ELN: variants seen among roughly 807,000 people sequenced by gnomAD.
ELN encodes the protein elastin, also known as tropoelastin.
A neutral mutation model predicts 105.8 loss-of-function variants in ELN; 65 were observed. That is an observed-to-expected ratio of 0.61 (90% confidence interval 0.50 to 0.75). The LOEUF (loss-of-function observed/expected upper bound fraction) is 0.75, where lower values mean the gene tolerates loss of function less well. Ranked by LOEUF, ELN falls within the 30% of genes least tolerant of loss-of-function variation. ELN has a pLI of 0.00. For missense variants in ELN, 882 were observed against 969.4 expected (o/e 0.91, Z 1.20); for synonymous variants, 368 against 389.2 (o/e 0.95, Z 0.64).
At chr7:74,035,891 A>G (rs1789826316) in intron 2 of ELN, among the ~76,000 whole-genome samples, 1 of 152,010 alleles carries the variant, frequency 6.6e-6, no homozygotes, top group African/African-American at 2.4e-5. Flanking sequence ...GTGAGCTATA[A>G]TAGCACCACT....
chr7:74,063,802 T>C lies in ELN; in HGVS notation c.1993+107T>C. 6.7e-7 allele frequency: 1 copy of C among 1,485,300 alleles called. No homozygotes were observed. Among genetic ancestry groups the C allele is most frequent in the South Asian group, 1.2e-5 (1 of 86,766 alleles). 92.0% of individuals were successfully genotyped at this position (1,485,300 alleles called of 1,614,324 possible). Reference sequence around the variant, plus strand: ...TTTCGTTCCCACCCCTGGCACGTCTTTGCTCAAGATGTCCTCTTGGCCAGG... The same window carrying C: ...TTTCGTTCCCACCCCTGGCACGTCTCTGCTCAAGATGTCCTCTTGGCCAGG... On this transcript the variant is annotated intron_variant, in intron 29 of 32. Transcript: ENST00000252034. The surrounding 1 kb of genome is among the most constrained non-coding windows in gnomAD (Gnocchi z 4.1).
intron 1 of ELN, among the ~76,000 whole-genome samples, chr7:74,029,745 C>T (rs1788257418): frequency 6.6e-6 from 1 of 152,194 alleles, no homozygotes; most frequent in Non-Finnish European, 1.5e-5. Context: ...CCAGGTGTAG[C>T]CCCCAAACAC....
chr7:74,067,933 CAAAAAAAAAAAAA>C (rs782107951), intron 32 of ELN, among the ~76,000 whole-genome samples: 5 of 19,888 alleles, frequency 2.5e-4, no homozygotes, highest in Non-Finnish European at 5.2e-4. Context: ...GATTGCGTCT[CAAAAAAAAAAAAA>C]AAAAAAAAAA....
chr7:74,030,920 GA>G (rs1788520531), intron 1 of ELN, among the ~76,000 whole-genome samples: 1 of 152,230 alleles, frequency 6.6e-6, no homozygotes, highest in Admixed American at 6.5e-5. Context: ...GCCCCGGCAT[GA>G]GGGCAAATGT....
At chr7:74,068,063 G>A (rs950135309) in intron 32 of ELN, among the ~76,000 whole-genome samples, 1 of 152,098 alleles carries the variant, frequency 6.6e-6, no homozygotes, top group African/African-American at 2.4e-5. Flanking sequence ...AACTGCTCCG[G>A]GCCGCGCTAC....
rs1401947565 is a variant in ELN at position 74,043,951 on chromosome 7, T to A, written c.469+31T>A. 5 of 1,613,606 alleles carry A rather than the reference T, an allele frequency of 3.1e-6. No individual in the cohort carries two copies. In the African/African-American group the frequency reaches 4.0e-5, roughly 13 times the overall value. Reference sequence around the variant, plus strand: ...AGCAAGGAGGGAAACAGGGACTCTATAGGAAGAAAGCAGCCAGGACGCAGT... The same window carrying A: ...AGCAAGGAGGGAAACAGGGACTCTAAAGGAAGAAAGCAGCCAGGACGCAGT... On this transcript the variant is annotated intron_variant, in intron 9 of 32. Coordinates refer to ENST00000252034, the MANE Select transcript of ELN (RefSeq NM_000501.4).
chr7:74,057,839 T>C, intron 22 of ELN, 143 bp downstream of exon 22: 2 of 895,964 alleles, frequency 2.2e-6, no homozygotes, highest in Non-Finnish European at 3.6e-6. Flanking sequence ...CTTAGACCTT[T>C]TGGCCCACTG....
Position 74,045,224 on chromosome 7 carries a change from G to A in ELN, c.472G>A (p.Ala158Thr). The A allele has an allele frequency of 1.2e-6, 2 of 1,614,088 alleles. No individual in the cohort carries two copies. Among genetic ancestry groups the A allele is most frequent in the South Asian group, 1.1e-5 (1 of 91,090 alleles). Residue 158 changes from alanine (A) to threonine (T), a missense_variant and splice_region_variant, in exon 10 of 33, where the codon GCT becomes ACT. Ala to Thr is a moderately conservative substitution (Grantham distance 58, BLOSUM62 0). Transcript: ENST00000252034. The part of the protein sequence containing the change: ...GVYPGGVLPG[A>T]RFPGVGVLPG... ...CTCACTGCTTTGTCCCCCGGCAGGA[G>A]CTCGGTTCCCCGGTGTGGGGGTGCT...
Position 74,028,256 on chromosome 7 carries a change from C to T in ELN, c.69C>T (p.Pro23=), listed in dbSNP as rs142370984. 1.9e-5 allele frequency: 30 copies of T among 1,609,136 alleles called. No individual in the cohort carries two copies. The highest frequency in any genetic ancestry group is 2.2e-5 in the East Asian group (1 of 44,832). The change falls in exon 1 of 33, where the codon CCC becomes CCT. Residue 23 remains proline, a synonymous_variant. Transcript: ENST00000252034. ...VLLLLLSILH[P]SRPGGVPGAI... ...TGCTCCTGCTGTCCATCCTCCACCC[C>T]TCTCGGCCTGGAGGTAAGGACCCCT...
chr7:74,031,875 A>AGGAAGGAAGGAC (rs1554662509), intron 1 of ELN, among the ~76,000 whole-genome samples: 7 of 148,516 alleles, frequency 4.7e-5, no homozygotes, highest in Non-Finnish European at 7.5e-5. Context: ...GAAGGAAGGA[A>AGGAAGGAAGGAC]GGAAGGAAGG....
chr7:74,054,910 A>G (rs1257346234), intron 19 of ELN, 141 bp downstream of exon 19: 22 of 881,924 alleles, frequency 2.5e-5, no homozygotes, highest in Non-Finnish European at 3.5e-5. Flanking sequence ...CCTCAGGACA[A>G]TGTCTCCCCC....
rs1554669116 is a variant in ELN at position 74,042,595 on chromosome 7, C to G, written c.233-19C>G. 3.1e-6 allele frequency: 5 copies of G among 1,611,352 alleles called. No homozygotes were observed. The South Asian group carries it at 5.5e-5, about 18-fold the overall frequency. ...TAGGTGTGGTAGCTCAGGACCTCAC[C>G]CCATCCTCCCCTCCGCAGGGCTCGG... On this transcript the variant is annotated intron_variant, in intron 5 of 32. Transcript: ENST00000252034.
intron 1 of ELN, among the ~76,000 whole-genome samples, chr7:74,029,380 G>T (rs1788151739): frequency 6.6e-6 from 1 of 152,172 alleles, no homozygotes; most frequent in Non-Finnish European, 1.5e-5. Context: ...GGGGTTTGAG[G>T]GTGTGCCCTG....
chr7:74,042,857 G>A, intron 6 of ELN, 127 bp from the exon 7 acceptor site: 3 of 1,560,832 alleles, frequency 1.9e-6, no homozygotes, highest in Non-Finnish European at 8.8e-7. Context: ...GCAGCTAGCT[G>A]TGCCCAGTCT....
chr7:74,049,126 T>C (rs1359738661), intron 15 of ELN, among the ~76,000 whole-genome samples: 1 of 151,026 alleles, frequency 6.6e-6, no homozygotes, highest in Non-Finnish European at 1.5e-5. Context: ...CATCTATCCA[T>C]CCATCTGTCC....
intron 19 of ELN, among the ~76,000 whole-genome samples, chr7:74,055,649 T>G (rs1405742611): frequency 3.3e-5 from 5 of 151,922 alleles, no homozygotes; most frequent in African/African-American, 1.2e-4. Context: ...CTGGCTAATT[T>G]TTGTATTTTC....
intron 18 of ELN, among the ~76,000 whole-genome samples, chr7:74,053,840 G>A (rs889259059): frequency 6.6e-6 from 1 of 151,542 alleles, no homozygotes. Flanking sequence ...GGGTGGATGG[G>A]TGTGGGATGG....
intron 29 of ELN, among the ~76,000 whole-genome samples, chr7:74,064,342 G>A (rs1248484309): frequency 2.0e-5 from 3 of 151,472 alleles, no homozygotes; most frequent in South Asian, 2.1e-4. Context: ...GTGAACCTGG[G>A]AGGCGGAGCT....
intron 21 of ELN, among the ~76,000 whole-genome samples, chr7:74,056,934 A>C (rs1583913010): frequency 1.4e-5 from 2 of 141,342 alleles, no homozygotes; most frequent in Non-Finnish European, 3.1e-5. Flanking sequence ...CCCACCCCCC[A>C]CCCCCAGAAT....
Sources: gnomAD v4.1 joint callset for allele counts (sites outside exome capture counted in the v4.1 genomes callset) on GRCh38, gnomAD v4.1.1 for gene constraint, Gnocchi (gnomAD v3.1) non-coding constraint, MANE v1.5 for transcripts, NCBI Gene and HGNC (gene_info 2026-07-23, HGNC 2026-07-21) for gene names.